NBAS: variants seen among roughly 807,000 people sequenced by gnomAD.
The protein encoded by NBAS is NAG/BC035112 fusion.
Under a neutral mutation model 302.5 loss-of-function variants are expected in NBAS, and 219 were observed. The ratio of observed to expected loss-of-function variants is 0.72; its 90% CI spans 0.65 to 0.81. The LOEUF (loss-of-function observed/expected upper bound fraction) is 0.81. NBAS is among the 30% of genes least tolerant of loss of function. The pLI is 0.00. For synonymous variants in NBAS, 1,118 were observed against 1,021.6 expected (o/e 1.09, Z -1.80); for missense variants, 2,932 against 2,841.6 (o/e 1.03, Z -0.72).
intron 21 of NBAS, among the ~76,000 whole-genome samples, chr2:15,430,401 C>T (rs948732747): frequency 6.6e-6 from 1 of 152,184 alleles, no homozygotes; most frequent in Non-Finnish European, 1.5e-5. Flanking sequence ...AATAGCATTA[C>T]TATTACTACT....
At chr2:15,135,633 T>C in the NBAS span, among the ~76,000 whole-genome samples, 366 of 152,200 alleles carry the variant, frequency 2.4e-3, 4 homozygotes, top group African/African-American at 8.3e-3. Context: ...CCGGGAACCG[T>C]TGAAGCTTTG....
intron 9 of NBAS, among the ~76,000 whole-genome samples, chr2:15,533,107 T>A (rs1444152492): frequency 1.3e-5 from 2 of 152,082 alleles, no homozygotes; most frequent in African/African-American, 4.8e-5. Flanking sequence ...CATTTAAAAG[T>A]CTCACACCAT....
chr2:15,360,559 A>G (rs1053519614), intron 32 of NBAS, among the ~76,000 whole-genome samples: 2 of 151,246 alleles, frequency 1.3e-5, no homozygotes, highest in African/African-American at 4.9e-5. Flanking sequence ...TATGTTTCTC[A>G]GGATGGTGTG....
intron 14 of NBAS, among the ~76,000 whole-genome samples, chr2:15,474,548 T>TC (rs199718804): frequency 0.022 from 2,736 of 125,370 alleles, 88 homozygotes; most frequent in African/African-American, 0.075. Context: ...AAGCCTGTTT[T>TC]TTTCTTCTTC....
chr2:15,199,613 T>C (rs1006368936), intron 48 of NBAS, among the ~76,000 whole-genome samples: 7 of 152,122 alleles, frequency 4.6e-5, no homozygotes, highest in African/African-American at 1.7e-4. Context: ...TAAATGATAA[T>C]AGGTAAATTT....
intron 44 of NBAS, among the ~76,000 whole-genome samples, chr2:15,254,364 T>C (rs895850243): frequency 9.2e-5 from 14 of 152,176 alleles, no homozygotes; most frequent in African/African-American, 3.1e-4. Context: ...ATTTCCAGCA[T>C]GGCACGGCTG....
intron 40 of NBAS, among the ~76,000 whole-genome samples, chr2:15,302,939 G>A (rs558543921): frequency 2.0e-5 from 3 of 152,172 alleles, no homozygotes; most frequent in South Asian, 2.1e-4. Context: ...CAGACTCCAA[G>A]TTCTTCAGCT....
At chr2:15,390,881 G>A (rs192169248) in intron 28 of NBAS, among the ~76,000 whole-genome samples, 8 of 152,232 alleles carry the variant, frequency 5.3e-5, no homozygotes, top group South Asian at 4.2e-4. Context: ...TTGGAAGGCC[G>A]AGGCAGGTGG....
chr2:15,185,848 T>C (rs919277513), intron 50 of NBAS, among the ~76,000 whole-genome samples: 1 of 152,208 alleles, frequency 6.6e-6, no homozygotes, highest in Non-Finnish European at 1.5e-5. Context: ...ATATTTTCCT[T>C]GAGTGATTAC....
intron 25 of NBAS, among the ~76,000 whole-genome samples, chr2:15,415,036 C>G (rs537570149): frequency 6.6e-6 from 1 of 152,324 alleles, no homozygotes; most frequent in East Asian, 1.9e-4. Context: ...GCAGAAACCT[C>G]TTTTCCTGTT....
chr2:14,900,687 TC>T, the NBAS span, among the ~76,000 whole-genome samples: 1 of 152,176 alleles, frequency 6.6e-6, no homozygotes, highest in African/African-American at 2.4e-5. Flanking sequence ...AGCATACAGA[TC>T]TGAATAAGGT....
intron 33 of NBAS, among the ~76,000 whole-genome samples, chr2:15,354,042 C>T (rs571187113): frequency 5.9e-4 from 90 of 152,262 alleles, no homozygotes; most frequent in African/African-American, 2.1e-3. Context: ...GATCTGAGGG[C>T]CTGCTGCAAC....
chr2:14,892,545 C>T, the NBAS span, among the ~76,000 whole-genome samples: 2 of 152,068 alleles, frequency 1.3e-5, no homozygotes, highest in African/African-American at 2.4e-5. Flanking sequence ...TTATATTATA[C>T]CGACTCTATG....
intron 51 of NBAS, among the ~76,000 whole-genome samples, chr2:15,177,558 C>T (rs1003359794): frequency 1.3e-5 from 2 of 152,144 alleles, no homozygotes; most frequent in Non-Finnish European, 2.9e-5. Flanking sequence ...CTGTATAATA[C>T]ATCACTGTTT....
chr2:14,942,517 G>A, the NBAS span, among the ~76,000 whole-genome samples: 2 of 152,204 alleles, frequency 1.3e-5, no homozygotes, highest in African/African-American at 4.8e-5. Context: ...TTCCTCAGAA[G>A]CTAAGCAGAT....
At chr2:15,114,196 A>G in the NBAS span, among the ~76,000 whole-genome samples, 7 of 152,208 alleles carry the variant, frequency 4.6e-5, no homozygotes, top group African/African-American at 1.7e-4. Flanking sequence ...GCCATCACCA[A>G]GTACCACAGG....
chr2:15,183,063 A>G (rs1466329446), intron 50 of NBAS, among the ~76,000 whole-genome samples: 1 of 152,186 alleles, frequency 6.6e-6, no homozygotes, highest in Non-Finnish European at 1.5e-5. Flanking sequence ...AAAAAATCAT[A>G]AGTAACAGAT....
chr2:15,557,815 T>C (rs886341116), intron 2 of NBAS, among the ~76,000 whole-genome samples: 2 of 152,192 alleles, frequency 1.3e-5, no homozygotes, highest in African/African-American at 4.8e-5. Flanking sequence ...TTAATGAATA[T>C]GGTAAACCCG....
chr2:14,913,855 C>T, the NBAS span, among the ~76,000 whole-genome samples: 1 of 152,138 alleles, frequency 6.6e-6, no homozygotes. Context: ...TCCTATTCAT[C>T]CCATTGGTGA....
Sources: gnomAD v4.1 joint callset for allele counts (sites outside exome capture counted in the v4.1 genomes callset) on GRCh38, gnomAD v4.1.1 for gene constraint, MANE v1.5 for transcripts, NCBI Gene and HGNC (gene_info 2026-07-23, HGNC 2026-07-21) for gene names.